The following PHF19 variants were observed in gnomAD, a reference collection of about 807,000 sequenced individuals.
The protein encoded by PHF19 is polycomb like 3.
In PHF19, 21 loss-of-function variants were observed where a neutral mutation model predicts 79.8. The observed-to-expected ratio is 0.26, with a 90% CI of 0.19 to 0.38. PHF19 has a LOEUF of 0.38. PHF19 is among the 10% of genes least tolerant of loss of function. The pLI is 1.00. For synonymous variants in PHF19, 273 were observed against 296.3 expected, an observed-to-expected ratio of 0.92 and a Z score of 0.81; for missense variants, 445 against 744.2, an observed-to-expected ratio of 0.60 and a Z score of 4.68.
chr9:120,861,865 A>C, intron 12 of PHF19, 53 bp downstream of exon 12: 10 of 1,269,294 alleles, frequency 7.9e-6, no homozygotes, highest in Non-Finnish European at 1.0e-5. Flanking sequence ...GGAAGCCCTA[A>C]TATGTGCTGA....
chr9:120,902,739 G>A, the PHF19 span: 1 of 152,202 alleles, frequency 6.6e-6, no homozygotes, highest in Non-Finnish European at 1.5e-5. Flanking sequence ...GCTGGATCTG[G>A]GATTCTGTGC....
At chr9:120,904,056 A>G in the PHF19 span, 1 of 152,272 alleles carries the variant, frequency 6.6e-6, no homozygotes, top group African/African-American at 2.4e-5. Context: ...TGGATGCCTC[A>G]GTTAATCAGG....
rs1486204090 is a variant in PHF19 at position 120,889,688 on chromosome 9, T to C, written c.42+5100A>G. ...CCTGGGAGGTTGAGGCTGCCTTCAG[T>C]GAGCCATGATTGTGCCACTGCACTC... On this transcript the variant is annotated intron_variant, in intron 1 of 14. Coordinates refer to the PHF19 transcript ENST00000616568. Among the ~76,000 whole-genome samples, 11 of 151,222 alleles carry C rather than the reference T, an allele frequency of 7.3e-5. No homozygotes were observed. The East Asian group carries it at 1.9e-3, about 27-fold the overall frequency.
At chr9:120,894,829 T>C in exon 1 of PHF19, 1 of 1,229,584 alleles carries the variant, frequency 8.1e-7, no homozygotes. Flanking sequence ...AAGACCAGCA[T>C]AGTGCAGGGC....
chr9:120,865,598 G>T, intron 9 of PHF19, 112 bp downstream of exon 9: 1 of 1,334,124 alleles, frequency 7.5e-7, no homozygotes. Flanking sequence ...TGGACTCAGG[G>T]ATGCAGCAAC....
chr9:120,865,212 C>A (rs539920242), intron 9 of PHF19, among the ~76,000 whole-genome samples: 1 of 152,194 alleles, frequency 6.6e-6, no homozygotes, highest in Non-Finnish European at 1.5e-5. Context: ...GAAGACACAG[C>A]ACCCCCGTGG....
chr9:120,864,072 G>T lies in PHF19; in HGVS notation c.945C>A (p.Asn315Lys), dbSNP rs769131893. Residue 315 changes from asparagine to lysine, a missense_variant, in exon 10 of 15, where the codon AAC becomes AAA. Physicochemically the swap from Asn to Lys is moderately conservative, Grantham distance 94. This residue lies in a region of PHF19 where 167 missense variants were observed against 375.8 expected (regional missense o/e 0.44). Coordinates refer to ENST00000373896, the MANE Select transcript of PHF19 (RefSeq NM_015651.3). Reference protein sequence around the residue: ...PVTDRGPHLLNALNSYKSRFL... With the variant: ...PVTDRGPHLLKALNSYKSRFL... ...ACCGGCTTTTATAACTGTTCAGAGC[G>T]TTGAGGAGATGTGGTCCTCGATCTG... 4 of 1,613,814 alleles carry T rather than the reference G, an allele frequency of 2.5e-6. No individual in the cohort carries two copies. The highest frequency in any genetic ancestry group is 2.2e-5 in the East Asian group (1 of 44,892).
At chr9:120,885,318 G>A (rs754807315) in intron 1 of PHF19, among the ~76,000 whole-genome samples, 1 of 152,078 alleles carries the variant, frequency 6.6e-6, no homozygotes, top group African/African-American at 2.4e-5. Flanking sequence ...AGTGGTTCAC[G>A]CCTGTAATCC....
the PHF19 span, among the ~76,000 whole-genome samples, chr9:120,900,019 C>T: frequency 6.6e-6 from 1 of 152,194 alleles, no homozygotes; most frequent in Non-Finnish European, 1.5e-5. Flanking sequence ...CAGAGTCTTG[C>T]TCTGTCACCC....
chr9:120,888,028 A>G (rs2046291127), intron 1 of PHF19, among the ~76,000 whole-genome samples: 1 of 152,214 alleles, frequency 6.6e-6, no homozygotes, highest in South Asian at 2.1e-4. Flanking sequence ...ACTGGAGTGC[A>G]GTCGCACGAT....
In PHF19 at chr9:120,891,255, C is replaced by T. The variant is rs1035118047; in HGVS notation, c.42+3533G>A. 6.6e-6 allele frequency among the ~76,000 whole-genome samples: 1 copy of T among 152,030 alleles called. No individual in the cohort carries two copies. The highest frequency in any genetic ancestry group is 1.5e-5 in the Non-Finnish European group (1 of 67,996). On this transcript the variant is annotated intron_variant, in intron 1 of 14. Coordinates refer to the PHF19 transcript ENST00000616568. This position sits in a 1 kb window ranked among gnomAD's most constrained non-coding sequence, Gnocchi z 4.3. The stretch of plus-strand genomic sequence containing the variant: ...TCTCCCGCCCTCTTCCCTTCTCTCC[C>T]CTCCTCTCCCCTCCTTTCCCCTTCT...
intron 3 of PHF19, among the ~76,000 whole-genome samples, chr9:120,872,323 G>T (rs545990825): frequency 4.6e-5 from 7 of 152,296 alleles, no homozygotes; most frequent in African/African-American, 1.7e-4. Context: ...TCACCATTCT[G>T]CCCGGAAGGG....
At chr9:120,893,552 C>G (rs1000274498) in intron 1 of PHF19, among the ~76,000 whole-genome samples, 7 of 152,358 alleles carry the variant, frequency 4.6e-5, no homozygotes, top group Admixed American at 2.6e-4. Context: ...GCAAGCTTCC[C>G]AGCCCTGACT....
Position 120,874,380 on chromosome 9 carries a change from C to G in PHF19, c.186+176G>C, listed in dbSNP as rs1214392548. Among the ~76,000 whole-genome samples the G allele has an allele frequency of 6.6e-6, 1 of 152,108 alleles. No homozygotes were observed. The highest frequency in any genetic ancestry group is 1.5e-5 in the Non-Finnish European group (1 of 68,016). On this transcript the variant is annotated intron_variant, in intron 2 of 14. Transcript: ENST00000373896. This position sits in a 1 kb window ranked among gnomAD's most constrained non-coding sequence, Gnocchi z 4.5. Reference sequence around the variant, plus strand: ...AAAGAACTAGTTGGATGATGTTGACCCTAGGGATGGTGCCTGCAAGACCAG... The same window carrying G: ...AAAGAACTAGTTGGATGATGTTGACGCTAGGGATGGTGCCTGCAAGACCAG...
chr9:120,881,156 T>G (rs1346800147), upstream of PHF19, among the ~76,000 whole-genome samples: 43 of 150,106 alleles, frequency 2.9e-4, no homozygotes, highest in South Asian at 9.1e-3. Context: ...TTTGTTTTTT[T>G]TTTTTTTTTT....
chr9:120,870,638 GCTGGGCCCCACATGCCACC>G lies in PHF19; in HGVS notation c.269-119_269-101del. ...GCCTCTAATGTCTGCTAGGCCTAGCGCTGGGCCCCACATGCCACCTCACTGAATCTCCCCAACCACTCTG... is the reference window on the plus strand; with the variant it reads ...GCCTCTAATGTCTGCTAGGCCTAGCGTCACTGAATCTCCCCAACCACTCTG... On this transcript the variant is annotated intron_variant, in intron 3 of 14. Coordinates refer to ENST00000373896, the MANE Select transcript of PHF19 (RefSeq NM_015651.3). The surrounding 1 kb of genome is among the most constrained non-coding windows in gnomAD (Gnocchi z 4.4). The G allele has an allele frequency of 1.4e-6, 1 of 727,084 alleles. No individual in the cohort carries two copies. Among genetic ancestry groups the G allele is most frequent in the Admixed American group, 2.0e-5 (1 of 49,440 alleles). 45.0% of individuals were successfully genotyped at this position (727,084 alleles called of 1,614,324 possible). A position where few individuals can be genotyped will look rare whatever the true frequency, so the allele number is the denominator to read the frequency against.
At chr9:120,898,731 C>A (rs935965475), upstream of PHF19, among the ~76,000 whole-genome samples, 1 of 152,132 alleles carries the variant, frequency 6.6e-6, no homozygotes, top group Non-Finnish European at 1.5e-5. Flanking sequence ...GCTTGTGTGA[C>A]CTTGGGTGAG....
intron 1 of PHF19, among the ~76,000 whole-genome samples, chr9:120,876,614 G>A (rs2046066150): frequency 6.6e-6 from 1 of 152,202 alleles, no homozygotes; most frequent in African/African-American, 2.4e-5. Context: ...CAGGAAGCGA[G>A]GATGATTCAT....
chr9:120,861,682 C>G (rs972715464), intron 12 of PHF19, among the ~76,000 whole-genome samples: 1 of 152,106 alleles, frequency 6.6e-6, no homozygotes, highest in Non-Finnish European at 1.5e-5. Flanking sequence ...CCTACCTGGA[C>G]AGTGGGGACA....
Sources: gnomAD v4.1 joint callset for allele counts (sites outside exome capture counted in the v4.1 genomes callset) on GRCh38, gnomAD v4.1.1 for gene constraint, gnomAD v4.1.1 regional missense constraint, Gnocchi (gnomAD v3.1) non-coding constraint, MANE v1.5 for transcripts, NCBI Gene and HGNC (gene_info 2026-07-23, HGNC 2026-07-21) for gene names.